CNTLN: variants seen among roughly 807,000 people sequenced by gnomAD.
CNTLN encodes the protein centlein, centrosomal protein.
Under a neutral mutation model 180.0 loss-of-function variants are expected in CNTLN, and 212 were observed. The observed-to-expected ratio is 1.18, with a 90% CI of 1.05 to 1.32. The LOEUF (loss-of-function observed/expected upper bound fraction) is 1.32. CNTLN is among the 40% of genes most tolerant of loss of function. CNTLN has a pLI of 0.00. For missense variants in CNTLN, 2,095 were observed against 1,610.9 expected (o/e 1.30, Z -5.14); for synonymous variants, 722 against 563.1 (o/e 1.28, Z -3.99).
At chr9:17,347,676 A>AAG (rs1189378287) in intron 12 of CNTLN, among the ~76,000 whole-genome samples, 10 of 136,754 alleles carry the variant, frequency 7.3e-5, no homozygotes, top group Non-Finnish European at 1.1e-4. Context: ...CTTGTCTCAA[A>AAG]AAAAAAAAAA....
At chr9:17,385,653 C>G (rs1021300946) in intron 13 of CNTLN, among the ~76,000 whole-genome samples, 4 of 151,936 alleles carry the variant, frequency 2.6e-5, no homozygotes, top group South Asian at 2.1e-4. Context: ...AACTGCAGAT[C>G]AAAAATATTT....
chr9:17,232,687 TAAC>T (rs780923386), intron 3 of CNTLN, among the ~76,000 whole-genome samples: 10 of 152,062 alleles, frequency 6.6e-5, no homozygotes, highest in Non-Finnish European at 1.5e-4. Flanking sequence ...TGTAAACACT[TAAC>T]AGTCTAGTTT....
chr9:17,256,098 TA>T (rs139103625), intron 5 of CNTLN, among the ~76,000 whole-genome samples: 2,399 of 152,136 alleles, frequency 0.016, 67 homozygotes, highest in African/African-American at 0.055. Context: ...ATGATTTTTT[TA>T]ACTGCTACAT....
chr9:17,216,918 C>A (rs1173038544), intron 2 of CNTLN, among the ~76,000 whole-genome samples: 1 of 152,212 alleles, frequency 6.6e-6, no homozygotes, highest in Non-Finnish European at 1.5e-5. Flanking sequence ...CCAGGCAGTT[C>A]CACCCAGGGC....
intron 2 of CNTLN, among the ~76,000 whole-genome samples, chr9:17,153,941 G>A (rs937139858): frequency 6.6e-6 from 1 of 151,866 alleles, no homozygotes; most frequent in Non-Finnish European, 1.5e-5. Context: ...CCGCTTGATC[G>A]ATTCGGCTAT....
At chr9:17,366,783 G>T in intron 13 of CNTLN, 66 bp downstream of exon 13, 2 of 896,048 alleles carry the variant, frequency 2.2e-6, no homozygotes, top group South Asian at 1.5e-5. Context: ...TGATGTTTTA[G>T]TTTCAATTTC....
chr9:17,298,616 A>G (rs747057448), intron 7 of CNTLN: 29 of 1,069,010 alleles, frequency 2.7e-5, no homozygotes, highest in Non-Finnish European at 3.3e-5. Flanking sequence ...TGGCATTCAG[A>G]CAGCTTCTGT....
the CNTLN span, among the ~76,000 whole-genome samples, chr9:17,526,651 C>G: frequency 6.6e-6 from 1 of 152,166 alleles, no homozygotes; most frequent in Admixed American, 6.5e-5. Context: ...CATTTGAAAC[C>G]TATTGCTTCT....
chr9:17,270,947 CTTTTTTTTTTTT>C (rs78896738), intron 5 of CNTLN, among the ~76,000 whole-genome samples: 34,445 of 122,314 alleles, frequency 0.28, 4,454 homozygotes, highest in South Asian at 0.45. Flanking sequence ...GAGAGGAGTT[CTTTTTTTTTTTT>C]TTTTTTTTTG....
At chr9:17,449,714 A>T (rs1315590455) in intron 18 of CNTLN, among the ~76,000 whole-genome samples, 2 of 152,228 alleles carry the variant, frequency 1.3e-5, no homozygotes, top group Non-Finnish European at 2.9e-5. Context: ...GTGGGAACAG[A>T]AGTTTAAGTG....
chr9:17,359,725 C>CAAAAAAAAAAAAAAAAACCAA (rs1823162273), intron 12 of CNTLN, among the ~76,000 whole-genome samples: 1 of 21,334 alleles, frequency 4.7e-5, no homozygotes, highest in Non-Finnish European at 9.9e-5. Context: ...ACTAAAAATA[C>CAAAAAAAAAAAAAAAAACCAA]AAAAAAAAAA....
chr9:17,455,495 A>G (rs1303038822), intron 18 of CNTLN, among the ~76,000 whole-genome samples: 1 of 152,208 alleles, frequency 6.6e-6, no homozygotes. Flanking sequence ...GTGGAGGTAC[A>G]TTTATAGTGT....
chr9:17,487,698 C>G (rs1832960910), intron 25 of CNTLN, among the ~76,000 whole-genome samples: 1 of 152,074 alleles, frequency 6.6e-6, no homozygotes, highest in Non-Finnish European at 1.5e-5. Flanking sequence ...ATGACAAGGC[C>G]AAGACGAGTT....
At chr9:17,514,456 T>C in the CNTLN span, among the ~76,000 whole-genome samples, 5 of 152,104 alleles carry the variant, frequency 3.3e-5, no homozygotes, top group Non-Finnish European at 7.4e-5. Context: ...AAACAGACAA[T>C]TCCTTTTCTT....
In CNTLN at chr9:17,462,862, G is replaced by C. The variant is rs1262620491; in HGVS notation, c.3307-54G>C. The C allele has an allele frequency of 4.6e-6, 4 of 865,758 alleles. No individual in the cohort carries two copies. The African/African-American group carries it at 7.2e-5, about 16-fold the overall frequency. 53.6% of individuals were successfully genotyped at this position (865,758 alleles called of 1,614,324 possible). A position where few individuals can be genotyped will look rare whatever the true frequency, so the allele number is the denominator to read the frequency against. On this transcript the variant is annotated intron_variant, in intron 19 of 25. Transcript: ENST00000380647. The stretch of plus-strand genomic sequence containing the variant: ...TTAGAATGGCACTTATTTTTATGCT[G>C]CCTTAGACCAAGGTTGTAAGGTATA...
At chr9:17,336,975 T>C (rs1821088280) in intron 10 of CNTLN, among the ~76,000 whole-genome samples, 1 of 152,190 alleles carries the variant, frequency 6.6e-6, no homozygotes, top group African/African-American at 2.4e-5. Context: ...CTCTAGCATT[T>C]GTTGTTTCCT....
intron 12 of CNTLN, among the ~76,000 whole-genome samples, chr9:17,342,657 A>G (rs1041692655): frequency 2.6e-5 from 4 of 152,200 alleles, no homozygotes; most frequent in Admixed American, 2.6e-4. Flanking sequence ...GAAACTGGAT[A>G]ATATGATCTA....
chr9:17,325,104 C>A (rs1820175409), intron 8 of CNTLN, among the ~76,000 whole-genome samples: 2 of 149,484 alleles, frequency 1.3e-5, no homozygotes, highest in African/African-American at 4.9e-5. Context: ...AAACTAGTAC[C>A]CTTAGTTTTA....
rs1365311832 is a variant in CNTLN, at chr9:17,260,039, G to C, written c.850-13694G>C. 3.5e-5 allele frequency among the ~76,000 whole-genome samples: 5 copies of C among 143,494 alleles called. No individual in the cohort carries two copies. In the East Asian group the frequency reaches 1.0e-3, roughly 30 times the overall value. 94.1% of individuals were successfully genotyped at this position (143,494 alleles called of 152,430 possible). On this transcript the variant is annotated intron_variant, in intron 5 of 25. Transcript: ENST00000380647. ...CTAGCTTTTGAATGTGTTTGGTCTT[G>C]CTTTTCTAGTTCTTTTAATTGTGAT...
Sources: allele counts gnomAD v4.1 joint callset (sites outside exome capture counted in the v4.1 genomes callset), GRCh38; gene constraint gnomAD v4.1.1; transcripts MANE v1.5; gene names NCBI Gene and HGNC (gene_info 2026-07-23, HGNC 2026-07-21).